The following UBE2E2 variants were observed in gnomAD, a reference collection of about 807,000 sequenced individuals.
UBE2E2 encodes ubiquitin conjugating enzyme E2 E2, also known as ubiquitin-conjugating enzyme E2 E2.
In UBE2E2, 6 loss-of-function variants were observed where a neutral mutation model predicts 24.7. The observed-to-expected ratio is 0.24, with a 90% CI of 0.13 to 0.48. The LOEUF (loss-of-function observed/expected upper bound fraction) is 0.48, where lower values mean the gene tolerates loss of function less well. Ranked by LOEUF, UBE2E2 falls within the 20% of genes least tolerant of loss-of-function variation. The pLI is 0.99. For synonymous variants in UBE2E2, 104 were observed against 83.6 expected, an observed-to-expected ratio of 1.24 and a Z score of -1.33; for missense variants, 169 against 245.0, an observed-to-expected ratio of 0.69 and a Z score of 2.07.
intron 5 of UBE2E2, among the ~76,000 whole-genome samples, chr3:23,582,268 A>G (rs1696498754): frequency 6.6e-6 from 1 of 152,258 alleles, no homozygotes; most frequent in Middle Eastern, 3.4e-3. Context: ...TCTATTGTGT[A>G]TATATACCAC....
chr3:23,484,924 G>A (rs1014925054), intron 3 of UBE2E2, among the ~76,000 whole-genome samples: 2 of 152,150 alleles, frequency 1.3e-5, no homozygotes, highest in East Asian at 1.9e-4. Flanking sequence ...GATTATGGGA[G>A]CTACAGTTGA....
chr3:23,503,929 T>C (rs541150223), intron 4 of UBE2E2, among the ~76,000 whole-genome samples: 5 of 152,306 alleles, frequency 3.3e-5, no homozygotes, highest in South Asian at 2.1e-4. Flanking sequence ...GTTTAATATG[T>C]AAGTATTTTA....
At chr3:23,350,968 G>C (rs906935182) in intron 3 of UBE2E2, among the ~76,000 whole-genome samples, 1 of 152,174 alleles carries the variant, frequency 6.6e-6, no homozygotes. Context: ...AGGAAAAAAT[G>C]TTAAGGGCAG....
Position 23,208,873 on chromosome 3 carries a change from A to T in UBE2E2, c.174A>T (p.Lys58Asn). 6.2e-7 allele frequency: 1 copy of T among 1,609,736 alleles called. No homozygotes were observed. Among genetic ancestry groups the T allele is most frequent in the Non-Finnish European group, 8.5e-7 (1 of 1,178,000 alleles). ...KTAAKLSTSA[K>N]RIQKELAEIT... ...CTGCTAAATTGTCAACTAGTGCTAA[A>T]AGGTACTTCAGTTATTATAACCTTT... is the stretch of plus-strand genomic sequence containing the variant. The change falls in exon 2 of 6, where the codon AAA (lysine) becomes AAT (asparagine). Residue 58 changes from lysine (K) to asparagine (N), a missense_variant and splice_region_variant. Coordinates refer to ENST00000396703, the MANE Select transcript of UBE2E2 (RefSeq NM_152653.4).
chr3:23,586,347 T>G (rs1472375344), intron 5 of UBE2E2, among the ~76,000 whole-genome samples: 2 of 152,092 alleles, frequency 1.3e-5, no homozygotes, highest in East Asian at 3.8e-4. Flanking sequence ...CAGGCTGGAG[T>G]GTGGTGGCAT....
At chr3:23,298,198 G>T (rs866403453) in intron 3 of UBE2E2, among the ~76,000 whole-genome samples, 1 of 152,150 alleles carries the variant, frequency 6.6e-6, no homozygotes, top group African/African-American at 2.4e-5. Flanking sequence ...CTGAGACAGC[G>T]GGATTTTCTA....
At chr3:23,534,334 T>TC in intron 5 of UBE2E2, 1 of 784,670 alleles carries the variant, frequency 1.3e-6, no homozygotes, top group African/African-American at 1.9e-5. Flanking sequence ...AACTAGTTTT[T>TC]TTTTTTTGCT....
At chr3:23,482,156 T>C (rs1288844613) in intron 3 of UBE2E2, among the ~76,000 whole-genome samples, 4 of 152,238 alleles carry the variant, frequency 2.6e-5, no homozygotes, top group East Asian at 3.8e-4. Context: ...CTTCACTCTT[T>C]TGAGCAACAA....
At chr3:23,235,621 T>G (rs1353904684) in intron 3 of UBE2E2, among the ~76,000 whole-genome samples, 1 of 152,064 alleles carries the variant, frequency 6.6e-6, no homozygotes, top group Non-Finnish European at 1.5e-5. Flanking sequence ...TGTTATAGAT[T>G]ATGGCAGTAG....
At position 23,263,143 on chromosome 3, in the gene UBE2E2, A is replaced by G. The variant is rs543356451; in HGVS notation, c.227+45831A>G. 5.9e-5 allele frequency among the ~76,000 whole-genome samples: 9 copies of G among 152,322 alleles called. No individual in the cohort carries two copies. The East Asian group carries it at 1.5e-3, about 26-fold the overall frequency. The stretch of plus-strand genomic sequence containing the variant: ...AGCATGAGGTGATACAGCAATACAT[A>G]TTAACTCTGTACTTAACACACTGAC... On this transcript the variant is annotated intron_variant, in intron 3 of 5. Transcript: ENST00000396703.
At chr3:23,444,060 G>GTTTTT (rs1359491293) in intron 3 of UBE2E2, among the ~76,000 whole-genome samples, 2 of 125,682 alleles carry the variant, frequency 1.6e-5, no homozygotes, top group African/African-American at 6.5e-5. Flanking sequence ...TTCTTCACCA[G>GTTTTT]TTTTGTTTTT....
At chr3:23,204,397 T>C (rs1027544547) in intron 1 of UBE2E2, among the ~76,000 whole-genome samples, 4 of 152,174 alleles carry the variant, frequency 2.6e-5, no homozygotes, top group Non-Finnish European at 5.9e-5. Flanking sequence ...TTCTTGAGAG[T>C]CTACTAAAAT....
chr3:23,417,509 A>G (rs551931449), intron 3 of UBE2E2, among the ~76,000 whole-genome samples: 1 of 152,186 alleles, frequency 6.6e-6, no homozygotes, highest in Non-Finnish European at 1.5e-5. Flanking sequence ...GGTGTCTCCC[A>G]GTCAGGAGGC....
chr3:23,398,603 TAAGTG>T (rs1178723828), intron 3 of UBE2E2, among the ~76,000 whole-genome samples: 1 of 152,232 alleles, frequency 6.6e-6, no homozygotes, highest in African/African-American at 2.4e-5. Flanking sequence ...ATGTGTGTCT[TAAGTG>T]AACATTTCAT....
At position 23,231,292 on chromosome 3, in the gene UBE2E2, G is replaced by T. The variant is rs143165345; in HGVS notation, c.227+13980G>T. On this transcript the variant is annotated intron_variant, in intron 3 of 5. Transcript: ENST00000396703. ...CCCACTTAAAGCAGCTTGTATACTT[G>T]CTATCAGTTCCACATCTTAGTTGGT... 8.3e-3 allele frequency among the ~76,000 whole-genome samples: 1,267 copies of T among 152,172 alleles called. 16 individuals are homozygous for T. The highest frequency in any genetic ancestry group is 0.028 in the African/African-American group (1,163 of 41,506).
At chr3:23,310,019 A>G (rs1694327921) in intron 3 of UBE2E2, among the ~76,000 whole-genome samples, 1 of 152,190 alleles carries the variant, frequency 6.6e-6, no homozygotes, top group Non-Finnish European at 1.5e-5. Flanking sequence ...GTTCTGTCAC[A>G]TTCTTTTTAT....
chr3:23,317,076 A>G (rs963412026), intron 3 of UBE2E2, among the ~76,000 whole-genome samples: 1 of 152,108 alleles, frequency 6.6e-6, no homozygotes, highest in African/African-American at 2.4e-5. Flanking sequence ...GGAGTTGGGT[A>G]AGCATGGTGC....
intron 3 of UBE2E2, among the ~76,000 whole-genome samples, chr3:23,417,348 G>T (rs936837229): frequency 3.9e-5 from 6 of 152,200 alleles, no homozygotes; most frequent in African/African-American, 1.4e-4. Context: ...GTCCACTCCA[G>T]ACCCTGTTTG....
At chr3:23,563,240 A>C (rs1319035909) in intron 5 of UBE2E2, among the ~76,000 whole-genome samples, 1 of 152,176 alleles carries the variant, frequency 6.6e-6, no homozygotes, top group East Asian at 1.9e-4. Context: ...CACTGCTTTA[A>C]ATGTGTCCTA....
Sources: gnomAD v4.1 joint callset for allele counts (sites outside exome capture counted in the v4.1 genomes callset) on GRCh38, gnomAD v4.1.1 for gene constraint, MANE v1.5 for transcripts, NCBI Gene and HGNC (gene_info 2026-07-23, HGNC 2026-07-21) for gene names.